Variants in RGPD2 observed in about 807,000 individuals in gnomAD.
The protein encoded by RGPD2 is RANBP2-like and GRIP domain-containing protein 2.
RGPD2 carries 2 observed loss-of-function variants against 36.0 expected under a neutral mutation model. The observed-to-expected ratio is 0.06, with a 90% CI of 0.02 to 0.17. RGPD2 has a LOEUF of 0.17. Among genes scored for constraint, RGPD2 ranks in the 10% least tolerant of loss-of-function variants. RGPD2 has a pLI of 1.00. For synonymous variants in RGPD2, 19 were observed against 163.8 expected, an observed-to-expected ratio of 0.12 and a Z score of 6.75; for missense variants, 40 against 464.3, an observed-to-expected ratio of 0.09 and a Z score of 8.40.
chr2:87,984,874 G>A, the RGPD2 span, among the ~76,000 whole-genome samples: 1 of 149,756 alleles, frequency 6.7e-6, no homozygotes, highest in Non-Finnish European at 1.5e-5. Flanking sequence ...AGCCTGTAGT[G>A]AGCTGAGATT....
the RGPD2 span, among the ~76,000 whole-genome samples, chr2:87,883,342 A>G: frequency 6.6e-6 from 1 of 152,092 alleles, no homozygotes; most frequent in Non-Finnish European, 1.5e-5. Context: ...AGATATCCAA[A>G]CAATGCAGTA....
chr2:87,913,287 A>G, the RGPD2 span, among the ~76,000 whole-genome samples: 85,738 of 147,806 alleles, frequency 0.58, 24,957 homozygotes, highest in African/African-American at 0.69. Context: ...GCAAACTATC[A>G]CAAGGACAAA....
At chr2:87,853,726 C>T in the RGPD2 span, among the ~76,000 whole-genome samples, 1 of 151,340 alleles carries the variant, frequency 6.6e-6, no homozygotes, top group African/African-American at 2.4e-5. Context: ...ATTTTGCTTT[C>T]ATACTTCTTC....
chr2:87,852,647 G>T, the RGPD2 span, among the ~76,000 whole-genome samples: 4 of 152,340 alleles, frequency 2.6e-5, no homozygotes, highest in South Asian at 8.3e-4. Flanking sequence ...GCTATTGATT[G>T]TGTATACTAA....
the RGPD2 span, among the ~76,000 whole-genome samples, chr2:87,842,444 T>G: frequency 6.7e-6 from 1 of 149,850 alleles, no homozygotes; most frequent in Non-Finnish European, 1.5e-5. Flanking sequence ...AAATCATGAG[T>G]GAACTCCCAT....
intron 22 of RGPD2, among the ~76,000 whole-genome samples, chr2:87,759,410 TAC>T (rs1178427982): frequency 2.5e-4 from 1 of 3,944 alleles, no homozygotes; most frequent in Non-Finnish European, 9.9e-4. Flanking sequence ...TTAAAACTCT[TAC>T]ACAGTGTTAA....
At chr2:87,910,822 C>A in the RGPD2 span, among the ~76,000 whole-genome samples, 2 of 150,396 alleles carry the variant, frequency 1.3e-5, no homozygotes, top group African/African-American at 4.9e-5. Context: ...AAATACTATA[C>A]CATTTCATAT....
At chr2:87,879,040 T>C in the RGPD2 span, among the ~76,000 whole-genome samples, 1 of 152,248 alleles carries the variant, frequency 6.6e-6, no homozygotes, top group African/African-American at 2.4e-5. Context: ...ACAATAAACA[T>C]GGGTGTGCAG....
chr2:87,864,572 T>G, the RGPD2 span, among the ~76,000 whole-genome samples: 2 of 149,978 alleles, frequency 1.3e-5, no homozygotes, highest in Non-Finnish European at 3.0e-5. Flanking sequence ...TAGACATAGA[T>G]AGATGATAGA....
chr2:87,978,137 T>TAAAAA, the RGPD2 span, among the ~76,000 whole-genome samples: 1 of 149,368 alleles, frequency 6.7e-6, no homozygotes, highest in African/African-American at 2.5e-5. Context: ...TAAAATAAAA[T>TAAAAA]AAAAAACTGA....
chr2:87,884,317 A>T, the RGPD2 span, among the ~76,000 whole-genome samples: 3 of 152,040 alleles, frequency 2.0e-5, no homozygotes, highest in Non-Finnish European at 4.4e-5. Context: ...AAGGGAGTGT[A>T]TAACAATTAA....
chr2:87,910,951 G>A, the RGPD2 span, among the ~76,000 whole-genome samples: 12 of 152,062 alleles, frequency 7.9e-5, no homozygotes, highest in South Asian at 2.5e-3. Context: ...TTTCAAGTTA[G>A]CACTTGTTCT....
the RGPD2 span, among the ~76,000 whole-genome samples, chr2:87,966,220 G>GTA: frequency 1.3e-5 from 2 of 152,212 alleles, no homozygotes; most frequent in Non-Finnish European, 2.9e-5. Context: ...CTCCAGAGCT[G>GTA]TATATGCCAC....
the RGPD2 span, among the ~76,000 whole-genome samples, chr2:87,964,815 A>ATTTATTTT: frequency 1.3e-5 from 1 of 77,884 alleles, no homozygotes; most frequent in African/African-American, 3.8e-5. Flanking sequence ...TTATTTATTT[A>ATTTATTTT]TTTTTCTTTT....
At chr2:87,923,191 T>C in the RGPD2 span, among the ~76,000 whole-genome samples, 1 of 152,156 alleles carries the variant, frequency 6.6e-6, no homozygotes, top group Non-Finnish European at 1.5e-5. Context: ...AGAAAAAATG[T>C]GTTTTCTTCA....
chr2:87,961,844 C>T, the RGPD2 span, among the ~76,000 whole-genome samples: 11 of 151,236 alleles, frequency 7.3e-5, no homozygotes, highest in Non-Finnish European at 1.5e-5. Context: ...GCAGTTCAAA[C>T]CCATGTTATT....
At chr2:87,937,814 G>A in the RGPD2 span, among the ~76,000 whole-genome samples, 1 of 151,954 alleles carries the variant, frequency 6.6e-6, no homozygotes, top group Non-Finnish European at 1.5e-5. Flanking sequence ...GGACTGTGAT[G>A]TCATACAAAC....
the RGPD2 span, among the ~76,000 whole-genome samples, chr2:87,905,516 A>G: frequency 6.6e-6 from 1 of 151,386 alleles, no homozygotes; most frequent in African/African-American, 2.4e-5. Context: ...TTGAGCTATA[A>G]TTTACATACC....
chr2:87,941,156 G>A, the RGPD2 span, among the ~76,000 whole-genome samples: 69 of 150,988 alleles, frequency 4.6e-4, no homozygotes, highest in Middle Eastern at 3.4e-3. Context: ...TTGGTTATTC[G>A]TGTAAAAAAA....
Sources: gnomAD v4.1 joint callset for allele counts (sites outside exome capture counted in the v4.1 genomes callset) on GRCh38, gnomAD v4.1.1 for gene constraint, MANE v1.5 for transcripts, NCBI Gene and HGNC (gene_info 2026-07-23, HGNC 2026-07-21) for gene names.